MEI1: variants seen among roughly 807,000 people sequenced by gnomAD.
The protein encoded by MEI1 is meiosis inhibitor protein 1.
In MEI1, 103 loss-of-function variants were observed where a neutral mutation model predicts 146.2. The ratio of observed to expected loss-of-function variants is 0.70; its 90% CI spans 0.60 to 0.83. The LOEUF (loss-of-function observed/expected upper bound fraction) is 0.83, where lower values mean the gene tolerates loss of function less well. Ranked by LOEUF, MEI1 falls within the 40% of genes least tolerant of loss-of-function variation. The pLI, the probability that MEI1 is intolerant of heterozygous loss-of-function variation, is 0.00. For synonymous variants in MEI1, 652 were observed against 628.2 expected, an observed-to-expected ratio of 1.04 and a Z score of -0.57; for missense variants, 1,529 against 1,533.0, an observed-to-expected ratio of 1.00 and a Z score of 0.04.
chr22:41,781,197 C>T, intron 22 of MEI1, 87 bp from the exon 23 acceptor site: 1 of 891,784 alleles, frequency 1.1e-6, no homozygotes. Context: ...CCAAGACTGA[C>T]ATCTGAAATA....
At chr22:41,709,092 A>T (rs1439170601) in intron 3 of MEI1, 1 of 578,956 alleles carries the variant, frequency 1.7e-6, no homozygotes, top group African/African-American at 1.9e-5. Context: ...AAAATATAAC[A>T]GTGAAGTGTT....
chr22:41,793,895 C>T lies in MEI1; in HGVS notation c.3412C>T (p.Arg1138Trp), dbSNP rs755830315. Residue 1138 changes from arginine to tryptophan, a missense_variant, in exon 27 of 31, where the codon CGG (arginine) becomes TGG (tryptophan). Physicochemically the swap from Arg to Trp is moderately radical, Grantham distance 101. This residue lies in a region of MEI1 where 313 missense variants were observed against 337.3 expected (regional missense o/e 0.93). Transcript: ENST00000401548. ...LEALLDYLDA[R>W]SPDIALHVAS... ...GGCCTTGCTTGACTACCTGGATGCCCGGAGCCCAGACATTGGTAGAAACTC... is the reference window on the plus strand; with the variant it reads ...GGCCTTGCTTGACTACCTGGATGCCTGGAGCCCAGACATTGGTAGAAACTC... 7.4e-6 allele frequency: 12 copies of T among 1,612,508 alleles called. No homozygotes were observed. Among genetic ancestry groups the T allele is most frequent in the African/African-American group, 4.0e-5 (3 of 74,780 alleles).
intron 20 of MEI1, among the ~76,000 whole-genome samples, chr22:41,773,115 C>A (rs1019461524): frequency 1.3e-5 from 2 of 152,124 alleles, no homozygotes; most frequent in Non-Finnish European, 2.9e-5. Flanking sequence ...GAGTGGATGC[C>A]CCACCATTTA....
Position 41,795,363 on chromosome 22 carries a change from G to A in MEI1, c.3535-48G>A. The A allele has an allele frequency of 1.9e-6, 3 of 1,607,706 alleles. No homozygotes were observed. Among genetic ancestry groups the A allele is most frequent in the Non-Finnish European group, 2.6e-6 (3 of 1,175,882 alleles). On this transcript the variant is annotated intron_variant, in intron 28 of 30. Coordinates refer to ENST00000401548, the MANE Select transcript of MEI1 (RefSeq NM_152513.4). The surrounding 1 kb of genome is among the most constrained non-coding windows in gnomAD (Gnocchi z 4.2). ...GGGCACAGCAGTTGTCTATGATGAA[G>A]GAGATGCCAAATCACTGGGTGTTTG...
At position 41,716,116 on chromosome 22, in the gene MEI1, G is replaced by C. The variant is rs1208803694; in HGVS notation, c.499G>C (p.Ala167Pro). Residue 167 changes from alanine (A) to proline (P), a missense_variant, in exon 5 of 31, where the codon GCT becomes CCT. Transcript: ENST00000401548. ...TGGCAAGTTGGTGGATGCCATCCCT[G>C]CTCTGGCAGACGAGCTTGTAATGGA... ...LLGKLVDAIP[A>P]LADELVMEHG... 1 of 1,610,820 alleles carries C rather than the reference G, an allele frequency of 6.2e-7. No individual in the cohort carries two copies. Among genetic ancestry groups the C allele is most frequent in the East Asian group, 2.2e-5 (1 of 44,816 alleles).
At chr22:41,764,845 G>A (rs1396417892) in intron 19 of MEI1, among the ~76,000 whole-genome samples, 1 of 152,182 alleles carries the variant, frequency 6.6e-6, no homozygotes, top group Non-Finnish European at 1.5e-5. Flanking sequence ...GTGGTACTAA[G>A]GAATGAGCCT....
At chr22:41,756,262 A>G (rs2050031) in intron 17 of MEI1, among the ~76,000 whole-genome samples, 126,795 of 151,982 alleles carry the variant, frequency 0.83, 53,825 homozygotes, top group African/African-American at 0.95. Context: ...AGCCTCACGA[A>G]TAGCTGGGAC....
chr22:41,734,331 G>A (rs2072136332), intron 11 of MEI1, among the ~76,000 whole-genome samples: 1 of 151,962 alleles, frequency 6.6e-6, no homozygotes, highest in Non-Finnish European at 1.5e-5. Flanking sequence ...GGTGGCTCAC[G>A]CCTATAATCC....
chr22:41,758,609 A>C (rs2074253867), intron 18 of MEI1, 76 bp downstream of exon 18: 7 of 1,452,886 alleles, frequency 4.8e-6, no homozygotes, highest in Non-Finnish European at 6.5e-6. Context: ...AAATAAGGGC[A>C]TCTCTCCAAG....
At chr22:41,701,982 A>G (rs1343044534) in intron 1 of MEI1, among the ~76,000 whole-genome samples, 1 of 152,190 alleles carries the variant, frequency 6.6e-6, no homozygotes, top group Non-Finnish European at 1.5e-5. Context: ...AGGAGCTTGA[A>G]CATAATCTGT....
intron 19 of MEI1, among the ~76,000 whole-genome samples, chr22:41,766,019 T>C (rs1202517137): frequency 2.0e-5 from 3 of 149,098 alleles, no homozygotes; most frequent in Non-Finnish European, 4.4e-5. Flanking sequence ...GCCTCCTGAG[T>C]AGCTGGGATT....
chr22:41,784,186 G>A (rs1378457912), intron 24 of MEI1, among the ~76,000 whole-genome samples, 153 bp from the exon 25 acceptor site: 1 of 152,192 alleles, frequency 6.6e-6, no homozygotes, highest in Non-Finnish European at 1.5e-5. Flanking sequence ...AGCCAGGGCT[G>A]GTGCAGCTTG....
At chr22:41,791,783 T>C (rs2076192470) in intron 26 of MEI1, among the ~76,000 whole-genome samples, 1 of 152,126 alleles carries the variant, frequency 6.6e-6, no homozygotes, top group Non-Finnish European at 1.5e-5. Context: ...AAATTGTATA[T>C]CCATACAATG....
intron 21 of MEI1, among the ~76,000 whole-genome samples, chr22:41,777,938 TCTC>T (rs933736641): frequency 1.3e-5 from 2 of 151,344 alleles, no homozygotes; most frequent in Non-Finnish European, 2.9e-5. Context: ...CTTTTCTTCT[TCTC>T]CTCTTGTTCT....
intron 9 of MEI1, among the ~76,000 whole-genome samples, chr22:41,730,978 C>T (rs1354355889): frequency 6.6e-6 from 1 of 151,986 alleles, no homozygotes; most frequent in East Asian, 1.9e-4. Context: ...GATATCTAAC[C>T]ATCCAGGTAG....
chr22:41,749,491 T>G (rs1377322488), intron 15 of MEI1, among the ~76,000 whole-genome samples: 1 of 152,068 alleles, frequency 6.6e-6, no homozygotes, highest in Non-Finnish European at 1.5e-5. Context: ...GCCAGGCTGG[T>G]CTCAAACTCC....
intron 19 of MEI1, among the ~76,000 whole-genome samples, chr22:41,770,198 C>G (rs1273778396): frequency 6.6e-6 from 1 of 152,004 alleles, no homozygotes; most frequent in Non-Finnish European, 1.5e-5. Context: ...AGGCCCTATG[C>G]TAAGTGCACA....
Position 41,745,934 on chromosome 22 carries a change from A to G in MEI1, c.1588A>G (p.Thr530Ala), listed in dbSNP as rs572022703. ...GCCTTCAGCCCAGGAGAATCCATTC[A>G]CAGCTCCCAGCGCCAAGAAGGAAGA... is the stretch of plus-strand genomic sequence containing the variant. ...SEPSAQENPFTAPSAKKEDTL... is the reference protein window; with the variant it reads ...SEPSAQENPFAAPSAKKEDTL... Residue 530 changes from threonine to alanine, a missense_variant, in exon 14 of 31, where the codon ACA becomes GCA. By Grantham distance (58) the Thr-to-Ala change is moderately conservative. Transcript: ENST00000401548. The G allele has an allele frequency of 9.3e-6, 15 of 1,613,562 alleles. No homozygotes were observed. Among genetic ancestry groups the G allele is most frequent in the East Asian group, 6.7e-5 (3 of 44,880 alleles).
intron 7 of MEI1, among the ~76,000 whole-genome samples, chr22:41,727,486 G>GGGA (rs1439559220): frequency 6.6e-6 from 1 of 152,152 alleles, no homozygotes; most frequent in Non-Finnish European, 1.5e-5. Context: ...ATTCTGATGG[G>GGGA]GGAGGCATCA....
Sources: allele counts gnomAD v4.1 joint callset (sites outside exome capture counted in the v4.1 genomes callset), GRCh38; gene constraint gnomAD v4.1.1; regional missense constraint gnomAD v4.1.1; non-coding constraint Gnocchi (gnomAD v3.1); transcripts MANE v1.5; gene names NCBI Gene and HGNC (gene_info 2026-07-23, HGNC 2026-07-21).